SHISA9: variants seen among roughly 807,000 people sequenced by gnomAD.
SHISA9 encodes the protein shisa family member 9, also known as protein shisa-9.
Under a neutral mutation model 38.0 loss-of-function variants are expected in SHISA9, and 13 were observed. That is an observed-to-expected ratio of 0.34 (90% CI 0.22 to 0.54). The LOEUF (loss-of-function observed/expected upper bound fraction) is 0.54, where lower values mean the gene tolerates loss of function less well. Ranked by LOEUF, SHISA9 falls within the 20% of genes least tolerant of loss-of-function variation. SHISA9 has a pLI of 0.91. For synonymous variants in SHISA9, 275 were observed against 242.0 expected, an observed-to-expected ratio of 1.14 and a Z score of -1.27; for missense variants, 538 against 575.8, an observed-to-expected ratio of 0.93 and a Z score of 0.67.
At chr16:13,479,397 C>T in the SHISA9 span, among the ~76,000 whole-genome samples, 1 of 152,078 alleles carries the variant, frequency 6.6e-6, no homozygotes, top group Admixed American at 6.6e-5. Context: ...TCCCATACTG[C>T]CTTGATTTTG....
chr16:13,180,316 C>G (rs2050766268), intron 2 of SHISA9, among the ~76,000 whole-genome samples: 1 of 152,208 alleles, frequency 6.6e-6, no homozygotes, highest in Non-Finnish European at 1.5e-5. Flanking sequence ...TGTCCCCACA[C>G]CAGTTTACAG....
chr16:13,403,511 G>A, the SHISA9 span, among the ~76,000 whole-genome samples: 1 of 152,212 alleles, frequency 6.6e-6, no homozygotes, highest in African/African-American at 2.4e-5. Flanking sequence ...TAGCAACCAT[G>A]CTAATCCCAT....
the SHISA9 span, chr16:13,331,997 G>C: frequency 2.0e-5 from 3 of 151,944 alleles, no homozygotes; most frequent in East Asian, 5.8e-4. Context: ...AACCTGGCTG[G>C]GTTAGAAATT....
rs115887995 is a variant in SHISA9, at chr16:13,080,010, G to T, written c.692-123384G>T. ...TATTGAATGCCTTTGAGAAGGGAAGGCCGGGGGATCCAGAAACCAGGGAAA... is the reference window on the plus strand; with the variant it reads ...TATTGAATGCCTTTGAGAAGGGAAGTCCGGGGGATCCAGAAACCAGGGAAA... On this transcript the variant is annotated intron_variant, in intron 2 of 4. Transcript: ENST00000558583. 1.8e-3 allele frequency among the ~76,000 whole-genome samples: 267 copies of T among 152,206 alleles called. 1 individual carries two copies. The highest frequency in any genetic ancestry group is 6.1e-3 in the African/African-American group (255 of 41,522).
chr16:13,405,224 A>G, the SHISA9 span, among the ~76,000 whole-genome samples: 1 of 152,192 alleles, frequency 6.6e-6, no homozygotes, highest in African/African-American at 2.4e-5. Flanking sequence ...GTCAATTCCG[A>G]ATATGTTATT....
chr16:13,117,152 T>C (rs1171207172), intron 2 of SHISA9, among the ~76,000 whole-genome samples: 1 of 152,100 alleles, frequency 6.6e-6, no homozygotes, highest in Non-Finnish European at 1.5e-5. Context: ...ATTTTTATAT[T>C]TTTAGTGGAG....
At chr16:13,137,654 C>G (rs553171749) in intron 2 of SHISA9, among the ~76,000 whole-genome samples, 1 of 152,194 alleles carries the variant, frequency 6.6e-6, no homozygotes, top group South Asian at 2.1e-4. Flanking sequence ...TGGGGTTTCA[C>G]CATGTTGGCC....
At chr16:13,159,499 G>A (rs992734588) in intron 2 of SHISA9, among the ~76,000 whole-genome samples, 1 of 152,234 alleles carries the variant, frequency 6.6e-6, no homozygotes, top group Non-Finnish European at 1.5e-5. Context: ...GAGGAGGTCA[G>A]GATTGGGAGT....
At chr16:12,956,343 T>G (rs1023247361) in intron 2 of SHISA9, among the ~76,000 whole-genome samples, 9 of 152,190 alleles carry the variant, frequency 5.9e-5, no homozygotes, top group African/African-American at 1.4e-4. Context: ...GAATTAAAAA[T>G]AGAACTACCA....
chr16:13,024,461 T>C lies in SHISA9; in HGVS notation c.691+107646T>C, dbSNP rs570292915. ...GGCTGGTTCAGATGCAACACCCTTT[T>C]TGGCACCTGTGGCCATTTGGCACTG... On this transcript the variant is annotated intron_variant, in intron 2 of 4. Transcript: ENST00000558583. Among the ~76,000 whole-genome samples the C allele has an allele frequency of 1.3e-3, 201 of 152,316 alleles. 1 individual carries two copies. Among genetic ancestry groups the C allele is most frequent in the African/African-American group, 4.7e-3 (195 of 41,576 alleles).
chr16:13,366,011 T>G, the SHISA9 span, among the ~76,000 whole-genome samples: 4 of 152,216 alleles, frequency 2.6e-5, no homozygotes, highest in Non-Finnish European at 5.9e-5. Context: ...CCTTCTAGTT[T>G]GCCTGGAATT....
At chr16:12,902,721 C>G in intron 1 of SHISA9, 94 bp downstream of exon 1, 1 of 1,259,648 alleles carries the variant, frequency 7.9e-7, no homozygotes. Context: ...CCCCACGGTC[C>G]CCGCTCCCCG....
chr16:13,046,759 A>T (rs913596184), intron 2 of SHISA9, among the ~76,000 whole-genome samples: 3 of 152,118 alleles, frequency 2.0e-5, no homozygotes, highest in African/African-American at 7.2e-5. Flanking sequence ...AACGTCTTTC[A>T]GTTCCCTAGA....
intron 2 of SHISA9, among the ~76,000 whole-genome samples, chr16:12,944,479 A>T (rs2071663756): frequency 6.6e-6 from 1 of 152,168 alleles, no homozygotes; most frequent in African/African-American, 2.4e-5. Flanking sequence ...GCCATGGATT[A>T]TTCTGCTTTT....
chr16:13,297,308 C>G, the SHISA9 span, among the ~76,000 whole-genome samples: 8 of 152,038 alleles, frequency 5.3e-5, no homozygotes, highest in Non-Finnish European at 1.2e-4. Context: ...CATGGTTGAG[C>G]CCAAGGGAAG....
intron 2 of SHISA9, among the ~76,000 whole-genome samples, chr16:13,087,177 A>G (rs914331043): frequency 1.7e-5 from 2 of 118,290 alleles, no homozygotes; most frequent in African/African-American, 6.7e-5. Flanking sequence ...TTTTGGCTGC[A>G]TGGTATTCCA....
chr16:13,535,228 A>G, the SHISA9 span, among the ~76,000 whole-genome samples: 1 of 152,228 alleles, frequency 6.6e-6, no homozygotes, highest in African/African-American at 2.4e-5. Flanking sequence ...CCTGGGTAAC[A>G]GAGTGAGACT....
chr16:13,299,836 G>T, the SHISA9 span, among the ~76,000 whole-genome samples: 1 of 152,172 alleles, frequency 6.6e-6, no homozygotes, highest in African/African-American at 2.4e-5. Flanking sequence ...TGCTACGTGT[G>T]CATGGGCACC....
At chr16:12,996,883 A>G (rs2072463605) in intron 2 of SHISA9, among the ~76,000 whole-genome samples, 1 of 152,222 alleles carries the variant, frequency 6.6e-6, no homozygotes, top group African/African-American at 2.4e-5. Context: ...TTAGCTTTAT[A>G]TAAGTCACCC....
Sources: gnomAD v4.1 joint callset for allele counts (sites outside exome capture counted in the v4.1 genomes callset) on GRCh38, gnomAD v4.1.1 for gene constraint, MANE v1.5 for transcripts, NCBI Gene and HGNC (gene_info 2026-07-23, HGNC 2026-07-21) for gene names.